FAM120B: variants seen among roughly 807,000 people sequenced by gnomAD.
FAM120B encodes constitutive coactivator of peroxisome proliferator-activated receptor gamma.
In FAM120B, 83 loss-of-function variants were observed where a neutral mutation model predicts 96.3. The observed-to-expected ratio is 0.86, with a 90% CI of 0.72 to 1.03. The LOEUF (loss-of-function observed/expected upper bound fraction) is 1.03. Ranked by LOEUF, FAM120B falls within the 50% of genes least tolerant of loss-of-function variation. The pLI, the probability that FAM120B is intolerant of heterozygous loss-of-function variation, is 0.00. For synonymous variants in FAM120B, 407 were observed against 402.7 expected (o/e 1.01, Z -0.13); for missense variants, 1,027 against 1,121.2 (o/e 0.92, Z 1.20).
At position 170,361,718 on chromosome 6, in the gene FAM120B, T is replaced by G. The variant is rs1788470445; in HGVS notation, c.2283+3400T>G. 2.0e-5 allele frequency among the ~76,000 whole-genome samples: 3 copies of G among 152,186 alleles called. No individual in the cohort carries two copies. The South Asian group carries it at 6.2e-4, about 32-fold the overall frequency. On this transcript the variant is annotated intron_variant, in intron 6 of 10. Transcript: ENST00000476287. ...AACTTTGAATAGGACATGTGATCCTTCATACATAGTGTGTACAACCCTTGT... is the reference window on the plus strand; with the variant it reads ...AACTTTGAATAGGACATGTGATCCTGCATACATAGTGTGTACAACCCTTGT...
At chr6:170,307,383 G>A (rs1784357908) in intron 1 of FAM120B, among the ~76,000 whole-genome samples, 1 of 152,174 alleles carries the variant, frequency 6.6e-6, no homozygotes, top group South Asian at 2.1e-4. Context: ...CAAGGAGTTT[G>A]CAGACCCGTG....
In FAM120B at chr6:170,404,868, C is replaced by A; in HGVS notation, c.*117C>A. On this transcript the variant is annotated 3_prime_UTR_variant, in exon 11 of 11. Transcript: ENST00000476287. Reference sequence around the variant, plus strand: ...GACCATGCCTGTGGGAGCCAGGCCTCGCTTGCATGAAGAAGGAACGATGCC... The same window carrying A: ...GACCATGCCTGTGGGAGCCAGGCCTAGCTTGCATGAAGAAGGAACGATGCC... The A allele has an allele frequency of 2.2e-6, 1 of 451,916 alleles. No individual in the cohort carries two copies. Among genetic ancestry groups the A allele is most frequent in the African/African-American group, 2.0e-5 (1 of 50,218 alleles). The allele number at this position is 451,916 out of a possible 1,614,324, so 28.0% of individuals were successfully genotyped here. A position where few individuals can be genotyped will look rare whatever the true frequency, so the allele number is the denominator to read the frequency against.
chr6:170,343,444 C>T (rs1786970810), intron 4 of FAM120B, among the ~76,000 whole-genome samples: 3 of 152,026 alleles, frequency 2.0e-5, no homozygotes, highest in South Asian at 2.1e-4. Context: ...TTCACATAGG[C>T]ATTCAATAAA....
intron 2 of FAM120B, among the ~76,000 whole-genome samples, chr6:170,321,466 C>G (rs1219528922): frequency 6.6e-6 from 1 of 152,226 alleles, no homozygotes; most frequent in Non-Finnish European, 1.5e-5. Flanking sequence ...TATCCTCTGC[C>G]TCCCAGGTTC....
intron 6 of FAM120B, among the ~76,000 whole-genome samples, chr6:170,381,635 T>C (rs1562587339): frequency 6.6e-6 from 1 of 151,960 alleles, no homozygotes; most frequent in Non-Finnish European, 1.5e-5. Context: ...GAACAAAATA[T>C]GAGTGAATCA....
At chr6:170,324,125 C>T (rs1354697040) in intron 3 of FAM120B, among the ~76,000 whole-genome samples, 1 of 152,118 alleles carries the variant, frequency 6.6e-6, no homozygotes, top group Non-Finnish European at 1.5e-5. Context: ...CCAGACATGT[C>T]AATATTAACC....
chr6:170,400,239 A>G (rs374884060), intron 9 of FAM120B, among the ~76,000 whole-genome samples: 1 of 152,158 alleles, frequency 6.6e-6, no homozygotes, highest in African/African-American at 2.4e-5. Context: ...GAACTATGTC[A>G]TAACTCTTAG....
At chr6:170,294,426 T>C (rs1192806060), upstream of FAM120B, among the ~76,000 whole-genome samples, 1 of 152,110 alleles carries the variant, frequency 6.6e-6, no homozygotes, top group Non-Finnish European at 1.5e-5. The surrounding 1 kb of genome is among the most constrained non-coding windows in gnomAD (Gnocchi z 7.9). Context: ...ACAGGCTGAG[T>C]AACCCCAGTG....
intron 2 of FAM120B, among the ~76,000 whole-genome samples, chr6:170,320,351 C>T (rs934179893): frequency 4.6e-5 from 7 of 151,956 alleles, no homozygotes; most frequent in Non-Finnish European, 1.0e-4. Context: ...GCAGGTATAT[C>T]GATATGATCA....
intron 6 of FAM120B, among the ~76,000 whole-genome samples, chr6:170,383,441 A>G (rs2115296144): frequency 6.6e-6 from 1 of 152,358 alleles, no homozygotes; most frequent in Admixed American, 6.5e-5. Context: ...TAGAAAATAT[A>G]AAGAATCTCA....
chr6:170,308,126 C>T (rs957389445), intron 1 of FAM120B, among the ~76,000 whole-genome samples: 7 of 152,224 alleles, frequency 4.6e-5, no homozygotes, highest in African/African-American at 1.7e-4. Flanking sequence ...TCTGCCACCA[C>T]TACAGCCTTC....
chr6:170,295,470 T>C lies in FAM120B; in HGVS notation c.48+17T>C. ...AGGAAGGAGGTGAGCGCCGCCCGCG[T>C]GCACACAAGGCGCGCGGCCCCCAGG... On this transcript the variant is annotated intron_variant, in intron 1 of 10. Coordinates refer to the FAM120B transcript ENST00000537664. The surrounding 1 kb of genome is among the most constrained non-coding windows in gnomAD (Gnocchi z 7.8). The C allele has an allele frequency of 1.4e-6, 1 of 698,966 alleles. No homozygotes were observed. The highest frequency in any genetic ancestry group is 2.6e-6 in the Non-Finnish European group (1 of 383,346). 43.3% of individuals were successfully genotyped at this position (698,966 alleles called of 1,614,324 possible).
At chr6:170,345,437 C>A (rs992611905) in intron 4 of FAM120B, among the ~76,000 whole-genome samples, 2 of 152,042 alleles carry the variant, frequency 1.3e-5, no homozygotes, top group Non-Finnish European at 2.9e-5. Context: ...GACACTGTCT[C>A]CAAAAAAAGG....
chr6:170,399,614 A>G (rs1464955518), intron 9 of FAM120B, among the ~76,000 whole-genome samples: 1 of 148,186 alleles, frequency 6.7e-6, no homozygotes, highest in South Asian at 2.2e-4. Context: ...AGGTAGAACT[A>G]TGTCATAAGC....
chr6:170,294,329 T>C (rs889832838), upstream of FAM120B, among the ~76,000 whole-genome samples: 11 of 152,214 alleles, frequency 7.2e-5, no homozygotes, highest in African/African-American at 2.4e-4. This position sits in a 1 kb window ranked among gnomAD's most constrained non-coding sequence, Gnocchi z 7.9. Flanking sequence ...AGGCACCCAA[T>C]ACATCAGACA....
At chr6:170,367,607 C>G (rs759612203) in intron 6 of FAM120B, among the ~76,000 whole-genome samples, 2 of 152,180 alleles carry the variant, frequency 1.3e-5, no homozygotes, top group Non-Finnish European at 2.9e-5. Flanking sequence ...GATGGGGAGC[C>G]CCATGCTTTT....
At chr6:170,344,998 A>G (rs1371477390) in intron 4 of FAM120B, among the ~76,000 whole-genome samples, 1 of 152,306 alleles carries the variant, frequency 6.6e-6, no homozygotes, top group Admixed American at 6.5e-5. Flanking sequence ...GTAGTTGGAC[A>G]CGAGTGTATT....
chr6:170,309,830 C>T (rs1784486560), intron 1 of FAM120B, among the ~76,000 whole-genome samples: 1 of 152,168 alleles, frequency 6.6e-6, no homozygotes, highest in Non-Finnish European at 1.5e-5. Context: ...GGTTGGGAAT[C>T]TTCCTAAAGT....
chr6:170,402,702 C>CACCACCTA (rs748244132), intron 9 of FAM120B, among the ~76,000 whole-genome samples: 17 of 152,236 alleles, frequency 1.1e-4, no homozygotes, highest in Non-Finnish European at 1.9e-4. Context: ...GTTCCCTTCT[C>CACCACCTA]ACCACCTACA....
Sources: gnomAD v4.1 joint callset for allele counts (sites outside exome capture counted in the v4.1 genomes callset) on GRCh38, gnomAD v4.1.1 for gene constraint, Gnocchi (gnomAD v3.1) non-coding constraint, MANE v1.5 for transcripts, NCBI Gene and HGNC (gene_info 2026-07-23, HGNC 2026-07-21) for gene names.